SIGLEC9: variants seen among roughly 807,000 people sequenced by gnomAD.
SIGLEC9 encodes the protein sialic acid binding Ig like lectin 9, also known as sialic acid-binding Ig-like lectin 9.
In SIGLEC9, 26 loss-of-function variants were observed where a neutral mutation model predicts 38.3. That is an observed-to-expected ratio of 0.68 (90% CI 0.50 to 0.94). SIGLEC9 has a LOEUF of 0.94. SIGLEC9 is among the 40% of genes least tolerant of loss of function. The pLI, the probability that SIGLEC9 is intolerant of heterozygous loss-of-function variation, is 0.00. For missense variants in SIGLEC9, 556 were observed against 585.7 expected (o/e 0.95, Z 0.52); for synonymous variants, 236 against 248.0 (o/e 0.95, Z 0.45).
chr19:51,125,958 G>A lies in SIGLEC9; in HGVS notation c.700+83G>A, dbSNP rs930754518. ...CTGGGTGCTGGGTCCCGGAATCTGG[G>A]CTGGTGGTGGGGTCAGGAGGACACT... On this transcript the variant is annotated intron_variant, in intron 2 of 6. Transcript: ENST00000250360. 3.9e-5 allele frequency: 62 copies of A among 1,597,224 alleles called. No homozygotes were observed. In the Admixed American group the frequency reaches 4.9e-4, roughly 13 times the overall value.
intron 5 of SIGLEC9, 66 bp from the exon 6 acceptor site, chr19:51,128,348 G>A: frequency 1.9e-6 from 3 of 1,546,416 alleles, no homozygotes; most frequent in South Asian, 2.2e-5. Context: ...ACACATGGGG[G>A]TACCTGGTCT....
upstream of SIGLEC9, chr19:51,120,023 G>A (rs1318578466): frequency 2.2e-5 from 4 of 185,910 alleles, no homozygotes; most frequent in Non-Finnish European, 3.2e-5. This position sits in a 1 kb window ranked among gnomAD's most constrained non-coding sequence, Gnocchi z 4.1. Flanking sequence ...AGGAGGGAAT[G>A]TGCAGGCATG....
At chr19:51,135,186 A>G (rs2092035991), downstream of SIGLEC9, among the ~76,000 whole-genome samples, 1 of 152,190 alleles carries the variant, frequency 6.6e-6, no homozygotes, top group African/African-American at 2.4e-5. Context: ...TTAACCACTT[A>G]ACACCACTTT....
Position 51,125,886 on chromosome 19 carries a change from G to A in SIGLEC9, c.700+11G>A. ...ATCTCAACGTGTCCTGTGAGTGCTG[G>A]GCCGGGACGCCTGGGTCCCTGATGG... On this transcript the variant is annotated intron_variant, in intron 2 of 6. Transcript: ENST00000250360. The A allele has an allele frequency of 6.2e-7, 1 of 1,614,048 alleles. No individual in the cohort carries two copies. Among genetic ancestry groups the A allele is most frequent in the Non-Finnish European group, 8.5e-7 (1 of 1,179,980 alleles).
rs774191475 is a variant in SIGLEC9 at position 51,130,033 on chromosome 19, A to G, written c.1346A>G (p.Gln449Arg). Residue 449 changes from glutamine (Q) to arginine (R), a missense_variant, in exon 7 of 7, where the codon CAG (glutamine) becomes CGG (arginine). Transcript: ENST00000250360. The stretch of plus-strand genomic sequence containing the variant: ...GTGAAGCCTTGGGACTCGCGGGGAC[A>G]GGAGGCCACTGACACCGAGTACTCG... ...QMVKPWDSRG[Q>R]EATDTEYSEI... The G allele has an allele frequency of 6.2e-6, 10 of 1,613,848 alleles. No individual in the cohort carries two copies. The highest frequency in any genetic ancestry group is 8.5e-6 in the Non-Finnish European group (10 of 1,179,882).
In SIGLEC9 at chr19:51,130,050, G is replaced by A. The variant is rs1321986925; in HGVS notation, c.1363G>A (p.Glu455Lys). 5.0e-5 allele frequency: 81 copies of A among 1,612,750 alleles called. No homozygotes were observed. The highest frequency in any genetic ancestry group is 6.5e-5 in the Non-Finnish European group (77 of 1,179,398). The part of the protein sequence containing the change: ...DSRGQEATDT[E>K]YSEIKIHR Reference sequence around the variant, plus strand: ...GCGGGGACAGGAGGCCACTGACACCGAGTACTCGGAGATCAAGATCCACAG... The same window carrying A: ...GCGGGGACAGGAGGCCACTGACACCAAGTACTCGGAGATCAAGATCCACAG... Residue 455 changes from glutamate to lysine, a missense_variant, in exon 7 of 7, where the codon GAG (glutamate) becomes AAG (lysine). Physicochemically the swap from Glu to Lys is moderately conservative, Grantham distance 56 (BLOSUM62 1). Transcript: ENST00000250360.
intron 5 of SIGLEC9, 98 bp downstream of exon 5, chr19:51,128,137 G>A: frequency 9.9e-7 from 1 of 1,007,954 alleles, no homozygotes; most frequent in Non-Finnish European, 1.5e-6. Flanking sequence ...ACCTGGATGG[G>A]TCAAGAGCTT....
At chr19:51,130,905 G>A (rs1476302470), downstream of SIGLEC9, among the ~76,000 whole-genome samples, 2 of 152,106 alleles carry the variant, frequency 1.3e-5, no homozygotes, top group African/African-American at 4.8e-5. Context: ...TGCACACTGG[G>A]GACCCTCCTC....
chr19:51,133,048 A>G (rs2092025515), downstream of SIGLEC9, among the ~76,000 whole-genome samples: 1 of 151,674 alleles, frequency 6.6e-6, no homozygotes. Context: ...ATATATACAT[A>G]TATAGTTATA....
upstream of SIGLEC9, among the ~76,000 whole-genome samples, chr19:51,121,797 G>A (rs1414865216): frequency 6.6e-6 from 1 of 151,932 alleles, no homozygotes; most frequent in Admixed American, 6.6e-5. Flanking sequence ...ATGTTGGTCA[G>A]GGTGGTCTCG....
In SIGLEC9 at chr19:51,128,402, C is replaced by G. The variant is rs369857300; in HGVS notation, c.1107-12C>G. On this transcript the variant is annotated splice_polypyrimidine_tract_variant and intron_variant, in intron 5 of 6. Transcript: ENST00000250360. ...TGACCACACTGAAAGGCTCTCTGGT[C>G]TCTTCACTCAGAGTGAGGTCCTGCA... The G allele has an allele frequency of 4.3e-6, 7 of 1,613,448 alleles. No individual in the cohort carries two copies. Among genetic ancestry groups the G allele is most frequent in the Non-Finnish European group, 5.9e-6 (7 of 1,179,408 alleles).
intron 3 of SIGLEC9, among the ~76,000 whole-genome samples, chr19:51,126,639 C>A (rs2091981061): frequency 6.6e-6 from 1 of 152,188 alleles, no homozygotes; most frequent in Non-Finnish European, 1.5e-5. Context: ...CTGTCCGCAC[C>A]CTCCTCTAGG....
At chr19:51,129,776 T>C (rs2092004743) in intron 6 of SIGLEC9, 115 bp from the exon 7 acceptor site, 5 of 711,592 alleles carry the variant, frequency 7.0e-6, no homozygotes, top group South Asian at 1.9e-5. Flanking sequence ...CTCAAACTCC[T>C]GACCTCAGGT....
chr19:51,126,995 T>C (rs1464381076), intron 3 of SIGLEC9, 35 bp from the exon 4 acceptor site: 2 of 1,595,546 alleles, frequency 1.3e-6, no homozygotes, highest in South Asian at 1.1e-5. Flanking sequence ...TCCAGATCTA[T>C]GTATCTCTCT....
In SIGLEC9 at chr19:51,124,974, C is replaced by T. The variant is rs748595208; in HGVS notation, c.-1C>T. On this transcript the variant is annotated 5_prime_UTR_variant, in exon 1 of 7. Transcript: ENST00000250360. Reference sequence around the variant, plus strand: ...CGGCCCTGGCACCTCTAACCCCAGACATGCTGCTGCTGCTGCTGCCCCTGC... The same window carrying T: ...CGGCCCTGGCACCTCTAACCCCAGATATGCTGCTGCTGCTGCTGCCCCTGC... 63 of 1,600,208 alleles carry T rather than the reference C, an allele frequency of 3.9e-5. No homozygotes were observed. The highest frequency in any genetic ancestry group is 6.7e-5 in the Admixed American group (4 of 59,456).
Position 51,130,031 on chromosome 19 carries a change from A to G in SIGLEC9, c.1344A>G (p.Gly448=). 6.2e-7 allele frequency: 1 copy of G among 1,613,852 alleles called. No homozygotes were observed. Among genetic ancestry groups the G allele is most frequent in the Non-Finnish European group, 8.5e-7 (1 of 1,179,896 alleles). Residue 448 remains glycine, a synonymous_variant, in exon 7 of 7, where the codon GGA becomes GGG. Coordinates refer to ENST00000250360, the MANE Select transcript of SIGLEC9 (RefSeq NM_014441.3). ...FQMVKPWDSR[G]QEATDTEYSE... ...TGGTGAAGCCTTGGGACTCGCGGGGACAGGAGGCCACTGACACCGAGTACT... is the reference window on the plus strand; with the variant it reads ...TGGTGAAGCCTTGGGACTCGCGGGGGCAGGAGGCCACTGACACCGAGTACT...
At chr19:51,135,723 G>T (rs2092038001) in intron 6 of SIGLEC9, among the ~76,000 whole-genome samples, 1 of 151,646 alleles carries the variant, frequency 6.6e-6, no homozygotes, top group Admixed American at 6.6e-5. Context: ...CCGTAGGTTT[G>T]GTCTCTTTAT....
downstream of SIGLEC9, among the ~76,000 whole-genome samples, chr19:51,132,171 C>T (rs1229247677): frequency 1.3e-5 from 2 of 152,142 alleles, no homozygotes; most frequent in Non-Finnish European, 2.9e-5. Flanking sequence ...CCTCCCCAGC[C>T]CGTGCTTCCT....
chr19:51,128,569 C>T (rs1407836850), intron 6 of SIGLEC9, 59 bp downstream of exon 6: 4 of 1,485,476 alleles, frequency 2.7e-6, no homozygotes, highest in Non-Finnish European at 3.7e-6. Context: ...CACAGGATGA[C>T]CCCCAGGACT....
Sources: gnomAD v4.1 joint callset for allele counts (sites outside exome capture counted in the v4.1 genomes callset) on GRCh38, gnomAD v4.1.1 for gene constraint, Gnocchi (gnomAD v3.1) non-coding constraint, MANE v1.5 for transcripts, NCBI Gene and HGNC (gene_info 2026-07-23, HGNC 2026-07-21) for gene names.